The following SOCS5 variants were observed in gnomAD, a reference collection of about 807,000 sequenced individuals.
SOCS5 encodes the protein CIS-6.
Under a neutral mutation model 42.8 loss-of-function variants are expected in SOCS5, and 32 were observed. The observed-to-expected ratio is 0.75, with a 90% confidence interval of 0.56 to 1.01. SOCS5 has a LOEUF of 1.01. Among genes scored for constraint, SOCS5 ranks in the 50% least tolerant of loss-of-function variants. The pLI is 0.00. For missense variants in SOCS5, 627 were observed against 653.0 expected, an observed-to-expected ratio of 0.96 and a Z score of 0.43; for synonymous variants, 283 against 229.6, an observed-to-expected ratio of 1.23 and a Z score of -2.10.
At chr2:46,712,399 A>G (rs1672644821) in intron 1 of SOCS5, among the ~76,000 whole-genome samples, 1 of 124,764 alleles carries the variant, frequency 8.0e-6, no homozygotes, top group Admixed American at 1.1e-4. Context: ...GCTGGAGTGC[A>G]GTGGCGCTAT....
At chr2:46,738,348 A>T (rs919621687) in intron 1 of SOCS5, among the ~76,000 whole-genome samples, 4 of 152,222 alleles carry the variant, frequency 2.6e-5, no homozygotes, top group Non-Finnish European at 5.9e-5. Context: ...CAGAAAAGGT[A>T]CACTGGAGGG....
intron 1 of SOCS5, among the ~76,000 whole-genome samples, chr2:46,728,565 C>T (rs955517451): frequency 9.9e-5 from 15 of 152,216 alleles, no homozygotes; most frequent in Non-Finnish European, 1.0e-4. Context: ...ATTTTTATTT[C>T]TTCCTTTTCA....
rs79026183 is a variant in SOCS5, at chr2:46,721,595, C to A, written c.-13+22146C>A. Among the ~76,000 whole-genome samples the A allele has an allele frequency of 5.0e-3, 767 of 152,124 alleles. 1 individual carries two copies. The highest frequency in any genetic ancestry group is 7.9e-3 in the Non-Finnish European group (535 of 68,000). On this transcript the variant is annotated intron_variant, in intron 1 of 1. Transcript: ENST00000394861. ...TTCCACATTAGACTTATATTTAATA[C>A]GTTAAGAATTAAAATTAGGAAGAGT...
At chr2:46,752,067 G>A (rs182089451) in intron 1 of SOCS5, among the ~76,000 whole-genome samples, 3 of 152,218 alleles carry the variant, frequency 2.0e-5, no homozygotes, top group Middle Eastern at 3.4e-3. Flanking sequence ...GAGACTGTAC[G>A]GCCCACAAAA....
At chr2:46,724,745 C>G (rs1672957208) in intron 1 of SOCS5, among the ~76,000 whole-genome samples, 1 of 151,596 alleles carries the variant, frequency 6.6e-6, no homozygotes, top group Admixed American at 6.6e-5. Flanking sequence ...TGCTTCAGTT[C>G]TTTTAAATTT....
At chr2:46,724,051 C>T (rs1217576953) in intron 1 of SOCS5, among the ~76,000 whole-genome samples, 1 of 151,892 alleles carries the variant, frequency 6.6e-6, no homozygotes, top group East Asian at 1.9e-4. Flanking sequence ...TAGTTTCTGA[C>T]TGTTCATTGG....
chr2:46,721,320 C>T (rs924181355), intron 1 of SOCS5, among the ~76,000 whole-genome samples: 3 of 152,142 alleles, frequency 2.0e-5, no homozygotes, highest in South Asian at 2.1e-4. Context: ...TTTGCCAAGT[C>T]TCTGAGGCCC....
chr2:46,727,316 T>C (rs1295914317), intron 1 of SOCS5, among the ~76,000 whole-genome samples: 1 of 152,186 alleles, frequency 6.6e-6, no homozygotes, highest in South Asian at 2.1e-4. Flanking sequence ...AAAGTCTTTG[T>C]CAGATAATTC....
intron 1 of SOCS5, among the ~76,000 whole-genome samples, chr2:46,757,427 AT>A (rs35286407): frequency 2.6e-5 from 4 of 151,700 alleles, no homozygotes; most frequent in African/African-American, 7.2e-5. Context: ...ACTGCTTTAG[AT>A]TTTTTTTTAA....
intron 1 of SOCS5, among the ~76,000 whole-genome samples, chr2:46,752,384 A>T (rs1200646793): frequency 2.0e-5 from 3 of 152,014 alleles, no homozygotes; most frequent in Non-Finnish European, 4.4e-5. Context: ...TGGTGCCAAA[A>T]AGGTTGGGGA....
At chr2:46,734,265 G>T (rs1673193097) in intron 1 of SOCS5, among the ~76,000 whole-genome samples, 1 of 152,066 alleles carries the variant, frequency 6.6e-6, no homozygotes. Context: ...CCACTTGTAT[G>T]AATAAAAATT....
chr2:46,705,605 G>A (rs1236858828), intron 1 of SOCS5, among the ~76,000 whole-genome samples: 1 of 152,200 alleles, frequency 6.6e-6, no homozygotes, highest in Non-Finnish European at 1.5e-5. Context: ...AATCTGTTAA[G>A]GAGAAGCTCA....
chr2:46,713,254 G>A (rs890674564), intron 1 of SOCS5, among the ~76,000 whole-genome samples: 3 of 152,188 alleles, frequency 2.0e-5, no homozygotes, highest in Non-Finnish European at 4.4e-5. Flanking sequence ...TACTCAGGAG[G>A]TTGAGGCAGG....
At chr2:46,709,270 A>G (rs1024582586) in intron 1 of SOCS5, among the ~76,000 whole-genome samples, 2 of 152,178 alleles carry the variant, frequency 1.3e-5, no homozygotes, top group Non-Finnish European at 2.9e-5. Flanking sequence ...AGAGGGAAAA[A>G]TAAAAACAGC....
intron 1 of SOCS5, among the ~76,000 whole-genome samples, chr2:46,700,604 G>C (rs1358967409): frequency 6.6e-6 from 1 of 152,164 alleles, no homozygotes; most frequent in Non-Finnish European, 1.5e-5. Flanking sequence ...GTGTTGACTG[G>C]GAAGGAGGTG....
In SOCS5 at chr2:46,759,492, A is replaced by G. The variant is rs776822463; in HGVS notation, c.962A>G (p.Asn321Ser). ...SGDSSAIPQA[N>S]CDSEEDTTTL... ...GACAGTTCTGCAATTCCACAAGCTA[A>G]TTGTGACTCGGAAGAGGATACAACC... The change falls in exon 2 of 2, where the codon AAT (asparagine) becomes AGT (serine). Residue 321 changes from asparagine to serine, a missense_variant. By Grantham distance (46) the Asn-to-Ser change is conservative. Coordinates refer to ENST00000394861, the MANE Select transcript of SOCS5 (RefSeq NM_144949.3). The G allele has an allele frequency of 6.2e-7, 1 of 1,614,030 alleles. No homozygotes were observed. The highest frequency in any genetic ancestry group is 1.1e-5 in the South Asian group (1 of 91,080).
chr2:46,702,461 A>G (rs1302885102), intron 1 of SOCS5, among the ~76,000 whole-genome samples: 1 of 152,186 alleles, frequency 6.6e-6, no homozygotes, highest in Non-Finnish European at 1.5e-5. Context: ...CAGTTTCATT[A>G]TTCTAGAACA....
chr2:46,711,533 A>G (rs1030980603), intron 1 of SOCS5, among the ~76,000 whole-genome samples: 6 of 152,220 alleles, frequency 3.9e-5, no homozygotes, highest in Admixed American at 3.9e-4. Flanking sequence ...TTTGACACAT[A>G]AATGTGTTAG....
intron 1 of SOCS5, among the ~76,000 whole-genome samples, chr2:46,753,578 A>G (rs1367059117): frequency 6.6e-6 from 1 of 152,206 alleles, no homozygotes; most frequent in Non-Finnish European, 1.5e-5. Flanking sequence ...TTGCGCAACA[A>G]AGAATTCAGG....
Sources: allele counts gnomAD v4.1 joint callset (sites outside exome capture counted in the v4.1 genomes callset), GRCh38; gene constraint gnomAD v4.1.1; transcripts MANE v1.5; gene names NCBI Gene and HGNC (gene_info 2026-07-23, HGNC 2026-07-21).